IMPG1: variants seen among roughly 807,000 people sequenced by gnomAD.
IMPG1 encodes interphotoreceptor matrix proteoglycan 1, also known as interphotoreceptor matrix proteoglycan of 150 kDa.
In IMPG1, 85 loss-of-function variants were observed where a neutral mutation model predicts 92.0. The ratio of observed to expected loss-of-function variants is 0.92; its 90% confidence interval spans 0.78 to 1.11. The LOEUF is 1.11. Ranked by LOEUF, IMPG1 falls within the 50% of genes least tolerant of loss-of-function variation. IMPG1 has a pLI of 0.00. For synonymous variants in IMPG1, 367 were observed against 334.1 expected (o/e 1.10, Z -1.08); for missense variants, 1,022 against 956.0 (o/e 1.07, Z -0.91).
intron 1 of IMPG1, among the ~76,000 whole-genome samples, chr6:76,054,432 C>T (rs554909138): frequency 1.3e-5 from 2 of 151,994 alleles, no homozygotes; most frequent in Non-Finnish European, 1.5e-5. Flanking sequence ...TGCATATGGA[C>T]GAAACGCACC....
intron 12 of IMPG1, among the ~76,000 whole-genome samples, chr6:75,955,547 A>T (rs1281157951): frequency 1.3e-5 from 2 of 152,238 alleles, no homozygotes; most frequent in Non-Finnish European, 2.9e-5. Flanking sequence ...ATCTGCAAAC[A>T]GAGACAATTC....
At chr6:75,971,796 C>T (rs1476210827) in intron 12 of IMPG1, among the ~76,000 whole-genome samples, 1 of 152,104 alleles carries the variant, frequency 6.6e-6, no homozygotes, top group East Asian at 1.9e-4. Flanking sequence ...GCAAATTATT[C>T]TTGTTCATAG....
At chr6:75,993,272 G>T (rs1782843805) in intron 12 of IMPG1, among the ~76,000 whole-genome samples, 1 of 152,094 alleles carries the variant, frequency 6.6e-6, no homozygotes, top group African/African-American at 2.4e-5. Context: ...TTTAAATTGG[G>T]ATTACATCTT....
chr6:75,946,792 C>G (rs774037298), intron 14 of IMPG1, among the ~76,000 whole-genome samples: 3 of 151,880 alleles, frequency 2.0e-5, no homozygotes, highest in African/African-American at 7.3e-5. Flanking sequence ...TTGTTGATGG[C>G]GAAGTGACTT....
At chr6:75,952,272 G>T (rs147815890) in intron 12 of IMPG1, among the ~76,000 whole-genome samples, 1 of 152,266 alleles carries the variant, frequency 6.6e-6, no homozygotes, top group Admixed American at 6.5e-5. Context: ...CAAATATGCA[G>T]GAAAGCTCTG....
intron 12 of IMPG1, among the ~76,000 whole-genome samples, chr6:75,981,847 A>G (rs895259513): frequency 6.6e-6 from 1 of 152,226 alleles, no homozygotes; most frequent in African/African-American, 2.4e-5. Context: ...AGAAGCATCA[A>G]CTTTTTGGGG....
chr6:76,056,110 C>T (rs1216327653), intron 1 of IMPG1, among the ~76,000 whole-genome samples: 8 of 151,862 alleles, frequency 5.3e-5, no homozygotes, highest in Non-Finnish European at 1.2e-4. Context: ...ATATAGAATC[C>T]AGCAATGTAT....
intron 12 of IMPG1, among the ~76,000 whole-genome samples, chr6:75,951,873 C>G (rs957240993): frequency 3.9e-5 from 6 of 151,954 alleles, no homozygotes; most frequent in African/African-American, 1.5e-4. Context: ...ACTTGGGAGG[C>G]AGAGATAGCA....
chr6:75,937,196 G>C (rs896869456), intron 14 of IMPG1, among the ~76,000 whole-genome samples: 2 of 152,104 alleles, frequency 1.3e-5, no homozygotes, highest in Non-Finnish European at 2.9e-5. Context: ...AGCTGGAAGG[G>C]ACACTCCTAG....
chr6:75,982,503 G>A (rs928072764), intron 12 of IMPG1, among the ~76,000 whole-genome samples: 2 of 151,002 alleles, frequency 1.3e-5, no homozygotes, highest in African/African-American at 4.9e-5. Flanking sequence ...TCGTGCCTGG[G>A]TGACAGAGCG....
chr6:76,022,220 C>A lies in IMPG1; in HGVS notation c.563-1G>T, dbSNP rs1446011966. 3 of 1,564,058 alleles carry A rather than the reference C, an allele frequency of 1.9e-6. No individual in the cohort carries two copies. The highest frequency in any genetic ancestry group is 2.6e-6 in the Non-Finnish European group (3 of 1,143,000). On this transcript the variant is annotated splice_acceptor_variant, in intron 5 of 16. Transcript: ENST00000369950. LOFTEE classifies it high-confidence loss of function. ...GGCCCAAGTGAGACGTTGGCAACATCTGTGAAAATTTTAAAAATTAAAGAC... is the reference window on the plus strand; with the variant it reads ...GGCCCAAGTGAGACGTTGGCAACATATGTGAAAATTTTAAAAATTAAAGAC...
chr6:76,035,633 G>C (rs1783731036), intron 2 of IMPG1, among the ~76,000 whole-genome samples: 2 of 152,062 alleles, frequency 1.3e-5, no homozygotes, highest in African/African-American at 2.4e-5. Context: ...CAAGTGATGA[G>C]CAGGCACACA....
chr6:76,021,788 T>TATATATATATATATATATAC (rs1783429499), intron 6 of IMPG1, among the ~76,000 whole-genome samples: 1 of 136,972 alleles, frequency 7.3e-6, no homozygotes, highest in Non-Finnish European at 1.6e-5. Flanking sequence ...CATATATATA[T>TATATATATATATATATATAC]ATATATATAT....
chr6:75,963,959 G>A (rs764125504), intron 12 of IMPG1, among the ~76,000 whole-genome samples: 2 of 152,206 alleles, frequency 1.3e-5, no homozygotes, highest in Admixed American at 6.5e-5. Context: ...TGCACTAATT[G>A]CTACTGTGTG....
At chr6:76,012,276 C>T (rs1363464190) in intron 7 of IMPG1, among the ~76,000 whole-genome samples, 3 of 152,176 alleles carry the variant, frequency 2.0e-5, no homozygotes, top group South Asian at 2.1e-4. Context: ...CACTGTCTCT[C>T]CAGCTCTCTC....
chr6:75,994,903 G>T (rs1434052313), intron 12 of IMPG1, among the ~76,000 whole-genome samples: 1 of 152,182 alleles, frequency 6.6e-6, no homozygotes, highest in African/African-American at 2.4e-5. Flanking sequence ...ACTAGCAAAG[G>T]CTAGCATCTC....
intron 12 of IMPG1, among the ~76,000 whole-genome samples, chr6:75,979,796 A>C (rs1782598299): frequency 1.3e-5 from 2 of 152,214 alleles, no homozygotes; most frequent in Admixed American, 6.5e-5. Flanking sequence ...ATTCCTCATA[A>C]AATTTCACAA....
chr6:76,030,701 A>G (rs1230060410), intron 4 of IMPG1, among the ~76,000 whole-genome samples: 1 of 152,100 alleles, frequency 6.6e-6, no homozygotes, highest in African/African-American at 2.4e-5. Flanking sequence ...TCTGCTGGGA[A>G]TCCTTAAATA....
intron 12 of IMPG1, among the ~76,000 whole-genome samples, chr6:75,979,211 C>T (rs538167553): frequency 6.6e-6 from 1 of 152,188 alleles, no homozygotes; most frequent in East Asian, 1.9e-4. Context: ...GCCACTGCAC[C>T]CCACCAAGAT....
Sources: allele counts gnomAD v4.1 joint callset (sites outside exome capture counted in the v4.1 genomes callset), GRCh38; gene constraint gnomAD v4.1.1; transcripts MANE v1.5; gene names NCBI Gene and HGNC (gene_info 2026-07-23, HGNC 2026-07-21).